The following SCHIP1 variants were observed in gnomAD, a reference collection of about 807,000 sequenced individuals.
SCHIP1 encodes schwannomin-interacting protein 1.
SCHIP1 carries 8 observed loss-of-function variants against 29.7 expected under a neutral mutation model. The ratio of observed to expected loss-of-function variants is 0.27; its 90% confidence interval spans 0.16 to 0.49. The LOEUF is 0.49. Ranked by LOEUF, SCHIP1 falls within the 20% of genes least tolerant of loss-of-function variation. The probability of loss-of-function intolerance (pLI) is 0.99; values close to 1 mark genes in which losing one functional copy is unlikely to be tolerated. For synonymous variants in SCHIP1, 76 were observed against 94.9 expected, an observed-to-expected ratio of 0.80 and a Z score of 1.16; for missense variants, 193 against 294.6, an observed-to-expected ratio of 0.66 and a Z score of 2.52.
At chr3:159,827,334 T>C in the SCHIP1 span, among the ~76,000 whole-genome samples, 1 of 152,168 alleles carries the variant, frequency 6.6e-6, no homozygotes, top group African/African-American at 2.4e-5. Flanking sequence ...GCACTACCTC[T>C]GTATTTAAAA....
chr3:159,874,516 A>C (rs899467997), intron 2 of SCHIP1, among the ~76,000 whole-genome samples: 6 of 152,188 alleles, frequency 3.9e-5, no homozygotes, highest in African/African-American at 1.2e-4. Flanking sequence ...GGGGCACCCT[A>C]ACTGGGAGCT....
intron 1 of SCHIP1, among the ~76,000 whole-genome samples, chr3:159,846,233 C>T (rs560213052): frequency 1.4e-4 from 21 of 152,216 alleles, no homozygotes; most frequent in Middle Eastern, 3.4e-3. Flanking sequence ...CATGGAATAC[C>T]GAAGTTTTCT....
chr3:159,439,161 T>C, the SCHIP1 span, among the ~76,000 whole-genome samples: 1 of 152,200 alleles, frequency 6.6e-6, no homozygotes, highest in Non-Finnish European at 1.5e-5. Context: ...TGTTGTTTTT[T>C]GACTTTTTAG....
chr3:159,766,865 C>A, the SCHIP1 span, among the ~76,000 whole-genome samples: 2 of 152,130 alleles, frequency 1.3e-5, no homozygotes, highest in African/African-American at 4.8e-5. Context: ...CACCTCATAC[C>A]CCCACCCCCA....
the SCHIP1 span, among the ~76,000 whole-genome samples, chr3:159,822,001 G>A: frequency 6.6e-6 from 1 of 152,320 alleles, no homozygotes; most frequent in East Asian, 1.9e-4. Context: ...GATGGTGTGA[G>A]ATTTCATCAC....
At chr3:159,329,869 A>AT in the SCHIP1 span, among the ~76,000 whole-genome samples, 151 of 148,212 alleles carry the variant, frequency 1.0e-3, no homozygotes, top group East Asian at 3.3e-3. Context: ...CACCGTTAGT[A>AT]TTTTTTTTTT....
the SCHIP1 span, among the ~76,000 whole-genome samples, chr3:159,444,093 G>C: frequency 6.6e-6 from 1 of 152,116 alleles, no homozygotes. Flanking sequence ...GCACTGAGAG[G>C]GGGTGGTGAA....
At chr3:159,524,236 C>A in the SCHIP1 span, among the ~76,000 whole-genome samples, 1 of 152,210 alleles carries the variant, frequency 6.6e-6, no homozygotes. Flanking sequence ...AGATATTCTG[C>A]CATCCTCTTA....
chr3:159,626,300 AT>A, the SCHIP1 span, among the ~76,000 whole-genome samples: 5 of 131,500 alleles, frequency 3.8e-5, no homozygotes, highest in East Asian at 7.4e-4. Flanking sequence ...AGATAGATAG[AT>A]TTTTTTTTAC....
At chr3:159,506,114 C>T in the SCHIP1 span, among the ~76,000 whole-genome samples, 1 of 152,194 alleles carries the variant, frequency 6.6e-6, no homozygotes, top group Non-Finnish European at 1.5e-5. Context: ...TATTTCTCCA[C>T]ATCCTCTCCA....
At chr3:159,482,925 A>G in the SCHIP1 span, among the ~76,000 whole-genome samples, 5 of 152,178 alleles carry the variant, frequency 3.3e-5, no homozygotes, top group Non-Finnish European at 7.4e-5. Context: ...AAAGGAGAAA[A>G]GAGACATTGG....
the SCHIP1 span, among the ~76,000 whole-genome samples, chr3:159,832,941 C>G: frequency 6.6e-6 from 1 of 152,234 alleles, no homozygotes; most frequent in East Asian, 1.9e-4. Context: ...TATTTTATTA[C>G]CTGTTATTGT....
chr3:159,569,217 T>C, the SCHIP1 span, among the ~76,000 whole-genome samples: 4 of 152,274 alleles, frequency 2.6e-5, no homozygotes, highest in African/African-American at 9.6e-5. Context: ...GTGCACAATG[T>C]GCAGGTTTGA....
chr3:159,426,814 C>A, the SCHIP1 span, among the ~76,000 whole-genome samples: 1 of 152,166 alleles, frequency 6.6e-6, no homozygotes. Context: ...AATCCAGCAG[C>A]ACATCAAAAA....
chr3:159,510,772 G>A, the SCHIP1 span, among the ~76,000 whole-genome samples: 1 of 152,212 alleles, frequency 6.6e-6, no homozygotes, highest in Non-Finnish European at 1.5e-5. Context: ...AGCAGAGGCT[G>A]CAGAACAGTG....
At chr3:159,535,116 A>T in the SCHIP1 span, among the ~76,000 whole-genome samples, 3 of 152,188 alleles carry the variant, frequency 2.0e-5, no homozygotes, top group African/African-American at 7.2e-5. Flanking sequence ...TCATAGCTGA[A>T]ACAGGCACCC....
the SCHIP1 span, among the ~76,000 whole-genome samples, chr3:159,527,625 A>G: frequency 1.2e-4 from 19 of 152,230 alleles, no homozygotes; most frequent in Non-Finnish European, 2.1e-4. Context: ...GGTGTTATCT[A>G]TTAATAAAGA....
chr3:159,892,265 G>T (rs1244107015), intron 6 of SCHIP1, 75 bp downstream of exon 7: 1 of 1,551,710 alleles, frequency 6.4e-7, no homozygotes, highest in East Asian at 2.3e-5. Flanking sequence ...GCAAAAACTA[G>T]CTCAAGAGAA....
the SCHIP1 span, among the ~76,000 whole-genome samples, chr3:159,349,718 C>G: frequency 6.6e-6 from 1 of 152,122 alleles, no homozygotes; most frequent in Non-Finnish European, 1.5e-5. Context: ...AGTCAGAGCA[C>G]CTGGATGGTA....
Sources: gnomAD v4.1 joint callset for allele counts (sites outside exome capture counted in the v4.1 genomes callset) on GRCh38, gnomAD v4.1.1 for gene constraint, MANE v1.5 for transcripts, NCBI Gene and HGNC (gene_info 2026-07-23, HGNC 2026-07-21) for gene names.